GSDME: variants seen among roughly 807,000 people sequenced by gnomAD.
GSDME encodes the protein gasdermin-E.
GSDME carries 44 observed loss-of-function variants against 47.5 expected under a neutral mutation model. That is an observed-to-expected ratio of 0.93 (90% CI 0.73 to 1.19). GSDME has a LOEUF of 1.19. GSDME is among the 50% of genes most tolerant of loss of function. The probability of loss-of-function intolerance (pLI) is 0.00; values close to 1 mark genes in which losing one functional copy is unlikely to be tolerated. For missense variants in GSDME, 663 were observed against 604.2 expected, an observed-to-expected ratio of 1.10 and a Z score of -1.02; for synonymous variants, 258 against 252.8, an observed-to-expected ratio of 1.02 and a Z score of -0.20.
chr7:24,782,587 T>C, the GSDME span, among the ~76,000 whole-genome samples: 53 of 152,180 alleles, frequency 3.5e-4, no homozygotes, highest in Non-Finnish European at 1.5e-5. Context: ...TACCCAGTAA[T>C]GGGATGGCTG....
At chr7:24,761,585 C>T (rs561162982), upstream of GSDME, among the ~76,000 whole-genome samples, 17 of 152,354 alleles carry the variant, frequency 1.1e-4, no homozygotes, top group East Asian at 2.9e-3. The surrounding 1 kb of genome is among the most constrained non-coding windows in gnomAD (Gnocchi z 4.4). Context: ...TAAGTTTCAA[C>T]ATATGGCTTT....
rs929465909 is a variant in GSDME, at chr7:24,698,958, A to G, written c.*68T>C. 10 of 1,057,370 alleles carry G rather than the reference A, an allele frequency of 9.5e-6. No individual in the cohort carries two copies. The highest frequency in any genetic ancestry group is 2.0e-4 in the Middle Eastern group (1 of 5,062). 65.5% of individuals were successfully genotyped at this position (1,057,370 alleles called of 1,614,324 possible). A position where few individuals can be genotyped will look rare whatever the true frequency, so the allele number is the denominator to read the frequency against. ...TTTCATTGGTCAACTTTTAACGTGCATATGACCTTTAACAGTTCTGAAAAA... is the reference window on the plus strand; with the variant it reads ...TTTCATTGGTCAACTTTTAACGTGCGTATGACCTTTAACAGTTCTGAAAAA... On this transcript the variant is annotated 3_prime_UTR_variant, in exon 10 of 10. Coordinates refer to ENST00000645220, the MANE Select transcript of GSDME (RefSeq NM_001127453.2).
intron 1 of GSDME, among the ~76,000 whole-genome samples, chr7:24,751,728 G>A (rs1051029127): frequency 2.6e-5 from 4 of 152,204 alleles, no homozygotes; most frequent in Admixed American, 6.5e-5. Context: ...TAAGAATCTT[G>A]CATTCAATGG....
the GSDME span, among the ~76,000 whole-genome samples, chr7:24,781,769 G>C: frequency 6.6e-6 from 1 of 151,690 alleles, no homozygotes; most frequent in African/African-American, 2.4e-5. Flanking sequence ...GTGGGGACAA[G>C]GTTTCACTCT....
chr7:24,790,495 T>C, the GSDME span, among the ~76,000 whole-genome samples: 1 of 152,202 alleles, frequency 6.6e-6, no homozygotes, highest in Non-Finnish European at 1.5e-5. The surrounding 1 kb of genome is among the most constrained non-coding windows in gnomAD (Gnocchi z 4.1). Context: ...GGTTTAATAG[T>C]GCCAATAACA....
chr7:24,795,116 C>A, the GSDME span, among the ~76,000 whole-genome samples: 1 of 152,186 alleles, frequency 6.6e-6, no homozygotes, highest in Non-Finnish European at 1.5e-5. Flanking sequence ...GGACTCCAAG[C>A]GCCGATTCCT....
upstream of GSDME, among the ~76,000 whole-genome samples, chr7:24,760,714 T>C (rs1249348481): frequency 6.6e-6 from 1 of 152,238 alleles, no homozygotes; most frequent in Admixed American, 6.5e-5. This position sits in a 1 kb window ranked among gnomAD's most constrained non-coding sequence, Gnocchi z 4.2. Flanking sequence ...TTGGCATACA[T>C]TGATATATAT....
chr7:24,784,869 C>G, the GSDME span, among the ~76,000 whole-genome samples: 1 of 152,044 alleles, frequency 6.6e-6, no homozygotes, highest in Non-Finnish European at 1.5e-5. Flanking sequence ...CTGCCTTTTT[C>G]TAGCCTCACT....
At chr7:24,703,185 A>G (rs1788949923) in intron 8 of GSDME, 2 of 353,050 alleles carry the variant, frequency 5.7e-6, no homozygotes, top group East Asian at 7.3e-5. Context: ...GAGACCCTCC[A>G]CACATTCAGG....
At chr7:24,731,395 T>C (rs1790140175) in intron 3 of GSDME, among the ~76,000 whole-genome samples, 1 of 152,044 alleles carries the variant, frequency 6.6e-6, no homozygotes, top group African/African-American at 2.4e-5. Context: ...TCACTGGAGG[T>C]GGTCAGTCGC....
In GSDME at chr7:24,699,199, T is replaced by C. The variant is rs1788758959; in HGVS notation, c.1318A>G (p.Lys440Glu). The C allele has an allele frequency of 6.2e-7, 1 of 1,614,066 alleles. No homozygotes were observed. Among genetic ancestry groups the C allele is most frequent in the Admixed American group, 1.7e-5 (1 of 60,000 alleles). Residue 440 changes from lysine to glutamate, a missense_variant, in exon 10 of 10, where the codon AAA becomes GAA. Transcript: ENST00000645220. ...ACAATCCCAAACCTTTCTGTATCTT[T>C]CAGGGGAGTCAAGGTTGGGTCTTCA... The part of the protein sequence containing the change: ...DLEDPTLTPL[K>E]DTERFGIVQR...
chr7:24,786,994 G>A, the GSDME span, among the ~76,000 whole-genome samples: 36,988 of 151,962 alleles, frequency 0.24, 5,349 homozygotes, highest in East Asian at 0.6. The surrounding 1 kb of genome is among the most constrained non-coding windows in gnomAD (Gnocchi z 5.5). Flanking sequence ...TGGCTTATGC[G>A]ATCTGTGGCA....
chr7:24,711,255 G>A (rs1789342071), intron 5 of GSDME, among the ~76,000 whole-genome samples: 1 of 152,166 alleles, frequency 6.6e-6, no homozygotes, highest in Non-Finnish European at 1.5e-5. Flanking sequence ...TTTTGAGACA[G>A]AGTCACTCTG....
At position 24,701,946 on chromosome 7, in the gene GSDME, A is replaced by G. The variant is rs144580475; in HGVS notation, c.1257+814T>C. ...TATACCAAATGTCAGGGTCCTGTCT[A>G]GGCAGTCTGCCCCAATACCTGCTTC... is the stretch of plus-strand genomic sequence containing the variant. On this transcript the variant is annotated intron_variant, in intron 9 of 9. Transcript: ENST00000645220. Among the ~76,000 whole-genome samples, 59 of 152,336 alleles carry G rather than the reference A, an allele frequency of 3.9e-4. 1 individual carries two copies. Among genetic ancestry groups the G allele is most frequent in the African/African-American group, 1.4e-3 (58 of 41,574 alleles).
chr7:24,793,779 CTT>C, the GSDME span, among the ~76,000 whole-genome samples: 1 of 151,376 alleles, frequency 6.6e-6, no homozygotes, highest in East Asian at 1.9e-4. Context: ...TTCTACCCCC[CTT>C]TTCTTTTTTT....
chr7:24,717,553 C>T (rs1356788389), intron 4 of GSDME, among the ~76,000 whole-genome samples, 179 bp from the exon 5 acceptor site: 1 of 152,166 alleles, frequency 6.6e-6, no homozygotes, highest in Non-Finnish European at 1.5e-5. Flanking sequence ...TTGTTGGCAT[C>T]AGTACACAAA....
chr7:24,734,079 A>G (rs563063639), intron 3 of GSDME, among the ~76,000 whole-genome samples: 42 of 152,336 alleles, frequency 2.8e-4, no homozygotes, highest in Admixed American at 1.2e-3. Context: ...ACAGCTTAGC[A>G]TAGAGAGAGA....
rs756385985 is a variant in GSDME, at chr7:24,749,733, A to G, written c.42T>C (p.Asp14=). 6.2e-7 allele frequency: 1 copy of G among 1,614,082 alleles called. No homozygotes were observed. Among genetic ancestry groups the G allele is most frequent in the African/African-American group, 1.3e-5 (1 of 74,934 alleles). Residue 14 remains aspartate, a synonymous_variant, in exon 2 of 10, where the codon GAT becomes GAC. Coordinates refer to ENST00000645220, the MANE Select transcript of GSDME (RefSeq NM_001127453.2). ...ATACTGCAATCAGGTCACCATCAGC[A>G]TCAACTTCTCTAAGAAAATTCCTGG... is the stretch of plus-strand genomic sequence containing the variant. The part of the protein sequence containing the change: ...KATRNFLREV[D]ADGDLIAVSN...
In GSDME at chr7:24,756,233, T is replaced by G. The variant is rs3779462; in HGVS notation, c.-20+1163A>C. 0.13 allele frequency among the ~76,000 whole-genome samples: 20,355 copies of G among 152,164 alleles called. 1,450 individuals are homozygous for G. Among genetic ancestry groups the G allele is most frequent in the Middle Eastern group, 0.21 (61 of 294 alleles). Reference sequence around the variant, plus strand: ...TAAGAATAGAGAAGATGCGGTGTGGTGGCAGGCACCTGCGGTCTCAGCTAC... The same window carrying G: ...TAAGAATAGAGAAGATGCGGTGTGGGGGCAGGCACCTGCGGTCTCAGCTAC... On this transcript the variant is annotated intron_variant, in intron 1 of 9. Transcript: ENST00000645220. This position sits in a 1 kb window ranked among gnomAD's most constrained non-coding sequence, Gnocchi z 4.2.
Sources: allele counts gnomAD v4.1 joint callset (sites outside exome capture counted in the v4.1 genomes callset), GRCh38; gene constraint gnomAD v4.1.1; non-coding constraint Gnocchi (gnomAD v3.1); transcripts MANE v1.5; gene names NCBI Gene and HGNC (gene_info 2026-07-23, HGNC 2026-07-21).